Variants in CREBBP observed in about 807,000 individuals in gnomAD.
The protein encoded by CREBBP is CREB binding lysine acetyltransferase, also known as CREB-binding protein.
CREBBP carries 19 observed loss-of-function variants against 265.0 expected under a neutral mutation model. That is an observed-to-expected ratio of 0.07 (90% CI 0.05 to 0.11). The LOEUF (loss-of-function observed/expected upper bound fraction) is 0.11. Among genes scored for constraint, CREBBP ranks in the 10% least tolerant of loss-of-function variants. CREBBP has a pLI of 1.00. For synonymous variants in CREBBP, 1,457 were observed against 1,223.7 expected (o/e 1.19, Z -3.98); for missense variants, 2,525 against 3,219.0 (o/e 0.78, Z 5.22).
At position 3,728,200 on chromosome 16, in the gene CREBBP, T is replaced by C. The variant is rs1320435033; in HGVS notation, c.6847A>G (p.Ser2283Gly). 1 of 1,613,786 alleles carries C rather than the reference T, an allele frequency of 6.2e-7. No individual in the cohort carries two copies. Among genetic ancestry groups the C allele is most frequent in the Admixed American group, 1.7e-5 (1 of 60,002 alleles). Residue 2283 changes from serine to glycine, a missense_variant, in exon 31 of 31, where the codon AGC becomes GGC. By Grantham distance (56) the Ser-to-Gly change is moderately conservative. Around this residue, in one of 19 missense-constraint regions of CREBBP, gnomAD observed 473 missense variants for 459.3 expected, o/e 1.03. Transcript: ENST00000262367. This position sits in a 1 kb window ranked among gnomAD's most constrained non-coding sequence, Gnocchi z 8.7. ...AGGGCTTGCTGGATGTTGGGGGTGC[T>C]GTCTGCCCCCAGCCCCGGCTGCCCC... is the stretch of plus-strand genomic sequence containing the variant. ...QMGQPGLGAD[S>G]TPNIQQALQQ...
At chr16:3,873,983 G>C (rs1421674242) in intron 1 of CREBBP, among the ~76,000 whole-genome samples, 1 of 152,228 alleles carries the variant, frequency 6.6e-6, no homozygotes, top group Admixed American at 6.5e-5. Context: ...GTGCTGGGAA[G>C]AGGGCCGTGG....
rs1441023150 is a variant in CREBBP, at chr16:3,880,134, C to G, written c.-218G>C. 1 of 157,596 alleles carries G rather than the reference C, an allele frequency of 6.3e-6. No individual in the cohort carries two copies. Among genetic ancestry groups the G allele is most frequent in the Non-Finnish European group, 1.4e-5 (1 of 73,630 alleles). The allele number at this position is 157,596 out of a possible 1,614,324, so 9.8% of individuals were successfully genotyped here. On this transcript the variant is annotated 5_prime_UTR_variant, in exon 1 of 31. Coordinates refer to ENST00000262367, the MANE Select transcript of CREBBP (RefSeq NM_004380.3). ...AGCGCCCCGCAGCGCTCACCGCCCG[C>G]CCCCGGCCGCCGCCGCCGCCGCCGG... is the stretch of plus-strand genomic sequence containing the variant.
chr16:3,740,313 A>C, intron 24 of CREBBP, 86 bp downstream of exon 24: 1 of 1,548,496 alleles, frequency 6.5e-7, no homozygotes, highest in South Asian at 1.1e-5. Context: ...GGATGACCTC[A>C]AACTCAAGAG....
chr16:3,775,566 C>T (rs913067223), intron 11 of CREBBP, among the ~76,000 whole-genome samples: 5 of 152,190 alleles, frequency 3.3e-5, no homozygotes, highest in Admixed American at 3.3e-4. Flanking sequence ...CCTTCAATGG[C>T]TACCTAGAAA....
intron 28 of CREBBP, among the ~76,000 whole-genome samples, 178 bp downstream of exon 28, chr16:3,735,849 TGTGCAGAGA>T (rs2052042837): frequency 6.6e-6 from 1 of 152,168 alleles, no homozygotes; most frequent in Non-Finnish European, 1.5e-5. Context: ...GAGCATCCAC[TGTGCAGAGA>T]GTGCAGAGCC....
chr16:3,756,780 C>A lies in CREBBP; in HGVS notation c.3698+508G>T, dbSNP rs560886197. On this transcript the variant is annotated intron_variant, in intron 19 of 30. Coordinates refer to ENST00000262367, the MANE Select transcript of CREBBP (RefSeq NM_004380.3). ...TTTGCAGGTAGAATAGTAAAATCCA[C>A]ATTTTCTACTCTATGAACATCTTGA... is the stretch of plus-strand genomic sequence containing the variant. Among the ~76,000 whole-genome samples the A allele has an allele frequency of 5.9e-5, 9 of 152,304 alleles. No individual in the cohort carries two copies. The South Asian group carries it at 1.9e-3, about 32-fold the overall frequency.
chr16:3,876,494 G>C (rs913338831), intron 1 of CREBBP, among the ~76,000 whole-genome samples: 2 of 143,002 alleles, frequency 1.4e-5, no homozygotes, highest in East Asian at 2.1e-4. Context: ...GTTAAATCAT[G>C]AATCTCTGAT....
intron 1 of CREBBP, among the ~76,000 whole-genome samples, chr16:3,860,777 TCA>T (rs2055056138): frequency 1.3e-5 from 2 of 152,068 alleles, no homozygotes; most frequent in South Asian, 2.1e-4. Flanking sequence ...GTGGAAGGAT[TCA>T]CAGTGTTGTT....
Position 3,727,537 on chromosome 16 carries a change from T to G in CREBBP, c.*181A>C, listed in dbSNP as rs1028080461. 7.2e-5 allele frequency: 34 copies of G among 474,794 alleles called. No homozygotes were observed. In the African/African-American group the frequency reaches 8.7e-4, roughly 12 times the overall value. The allele number at this position is 474,794 out of a possible 1,614,324, so 29.4% of individuals were successfully genotyped here. ...AAAACCAAAGAGAGAGACCAGATAT[T>G]TAAATCAACTGGTTTTTAACAAAAA... On this transcript the variant is annotated 3_prime_UTR_variant, in exon 31 of 31. Coordinates refer to ENST00000262367, the MANE Select transcript of CREBBP (RefSeq NM_004380.3).
Position 3,778,206 on chromosome 16 carries a change from T to C in CREBBP, c.1942-24A>G, listed in dbSNP as rs130004. ...TCCTAAAAAGCAATAATATTCAATA[T>C]GAAACAGTTAAAACTGTAAAAAGCA... On this transcript the variant is annotated intron_variant, in intron 9 of 30. Coordinates refer to ENST00000262367, the MANE Select transcript of CREBBP (RefSeq NM_004380.3). 15,962 of 1,562,980 alleles carry C rather than the reference T, an allele frequency of 0.01. 1,252 individuals carry two copies. In the African/African-American group the frequency reaches 0.18, roughly 17 times the overall value.
At chr16:3,819,460 C>A (rs2054101680) in intron 2 of CREBBP, among the ~76,000 whole-genome samples, 2 of 152,186 alleles carry the variant, frequency 1.3e-5, no homozygotes, top group Admixed American at 1.3e-4. Flanking sequence ...CTTTCCTGAC[C>A]ATGCTTAAAC....
At chr16:3,854,426 AACTGCTG>A (rs1338192876) in intron 1 of CREBBP, among the ~76,000 whole-genome samples, 1 of 152,186 alleles carries the variant, frequency 6.6e-6, no homozygotes, top group East Asian at 1.9e-4. Flanking sequence ...ATCATCTCTG[AACTGCTG>A]AGTGATGCAA....
chr16:3,780,927 C>T, intron 7 of CREBBP, 49 bp from the exon 8 acceptor site: 1 of 1,606,476 alleles, frequency 6.2e-7, no homozygotes, highest in Non-Finnish European at 8.5e-7. Context: ...GTGACTCAAA[C>T]ACACTTTGTC....
chr16:3,727,600 A>AC lies in CREBBP; in HGVS notation c.*117dup. On this transcript the variant is annotated 3_prime_UTR_variant, in exon 31 of 31. Coordinates refer to ENST00000262367, the MANE Select transcript of CREBBP (RefSeq NM_004380.3). ...GTATTGTTTCTTTAAACATCAATCCACCCTTCCATGGCTCGGAAGTCGCAG... is the reference window on the plus strand; with the variant it reads ...GTATTGTTTCTTTAAACATCAATCCACCCCTTCCATGGCTCGGAAGTCGCAG... 1 of 1,547,034 alleles carries AC rather than the reference A, an allele frequency of 6.5e-7. No individual in the cohort carries two copies. Among genetic ancestry groups the AC allele is most frequent in the Non-Finnish European group, 8.8e-7 (1 of 1,133,916 alleles).
chr16:3,733,411 C>A (rs1411085950), intron 28 of CREBBP, among the ~76,000 whole-genome samples: 1 of 151,398 alleles, frequency 6.6e-6, no homozygotes, highest in Non-Finnish European at 1.5e-5. Flanking sequence ...GCCCGAGGAG[C>A]CCAAATATCA....
intron 5 of CREBBP, among the ~76,000 whole-genome samples, chr16:3,783,163 T>C (rs1463711180): frequency 6.6e-6 from 1 of 152,202 alleles, no homozygotes; most frequent in African/African-American, 2.4e-5. Context: ...TATCTTAGCA[T>C]GCAACAGACC....
At chr16:3,851,086 T>G (rs2054824178) in intron 1 of CREBBP, 77 bp from the exon 2 acceptor site, 3 of 1,260,918 alleles carry the variant, frequency 2.4e-6, no homozygotes, top group Non-Finnish European at 3.4e-6. Flanking sequence ...TCTATGATCT[T>G]AACCTAATGG....
chr16:3,809,785 C>G (rs544016851), intron 3 of CREBBP, among the ~76,000 whole-genome samples: 27 of 152,142 alleles, frequency 1.8e-4, no homozygotes, highest in Admixed American at 1.6e-3. Flanking sequence ...AGACAAAAAG[C>G]AACTTTTTCT....
chr16:3,732,527 A>C (rs2051944434), intron 28 of CREBBP, among the ~76,000 whole-genome samples: 1 of 152,172 alleles, frequency 6.6e-6, no homozygotes. Context: ...TCTGGAAAGA[A>C]CGCAGGATTA....
Sources: allele counts gnomAD v4.1 joint callset (sites outside exome capture counted in the v4.1 genomes callset), GRCh38; gene constraint gnomAD v4.1.1; regional missense constraint gnomAD v4.1.1; non-coding constraint Gnocchi (gnomAD v3.1); transcripts MANE v1.5; gene names NCBI Gene and HGNC (gene_info 2026-07-23, HGNC 2026-07-21).